The following AGBL1 variants were observed in gnomAD, a reference collection of about 807,000 sequenced individuals.
AGBL1 encodes the protein AGBL carboxypeptidase 1, also known as cytosolic carboxypeptidase 4.
Under a neutral mutation model 118.9 loss-of-function variants are expected in AGBL1, and 130 were observed. The ratio of observed to expected loss-of-function variants is 1.09; its 90% CI spans 0.95 to 1.26. AGBL1 has a LOEUF of 1.26. Among genes scored for constraint, AGBL1 ranks in the 50% most tolerant of loss-of-function variants. The pLI, the probability that AGBL1 is intolerant of heterozygous loss-of-function variation, is 0.00. For missense variants in AGBL1, 1,584 were observed against 1,298.1 expected (o/e 1.22, Z -3.38); for synonymous variants, 555 against 478.9 (o/e 1.16, Z -2.08).
At chr15:86,783,375 CTGT>C (rs1295517041) in intron 22 of AGBL1, among the ~76,000 whole-genome samples, 1 of 152,210 alleles carries the variant, frequency 6.6e-6, no homozygotes, top group Non-Finnish European at 1.5e-5. Flanking sequence ...TCCAGAAAGT[CTGT>C]TGTTTAAAGC....
chr15:86,652,965 C>T (rs1166711488), intron 21 of AGBL1, among the ~76,000 whole-genome samples: 1 of 152,068 alleles, frequency 6.6e-6, no homozygotes, highest in Non-Finnish European at 1.5e-5. Context: ...ACAGAACGGT[C>T]CCCATAACAA....
chr15:86,231,184 G>T (rs1176720910), intron 6 of AGBL1, among the ~76,000 whole-genome samples: 1 of 152,080 alleles, frequency 6.6e-6, no homozygotes, highest in Non-Finnish European at 1.5e-5. Flanking sequence ...TTCCTACTGG[G>T]TATAGCTCCA....
chr15:86,246,309 G>A (rs965082435), intron 6 of AGBL1, among the ~76,000 whole-genome samples: 1 of 152,230 alleles, frequency 6.6e-6, no homozygotes, highest in African/African-American at 2.4e-5. Flanking sequence ...AGTAACAGAA[G>A]TGTTTCTGTC....
Position 86,546,021 on chromosome 15 carries a change from G to T in AGBL1, c.2705G>T (p.Gly902Val). 6.2e-7 allele frequency: 1 copy of T among 1,613,080 alleles called. No homozygotes were observed. The highest frequency in any genetic ancestry group is 8.5e-7 in the Non-Finnish European group (1 of 1,179,380). Residue 902 changes from glycine (G) to valine (V), a missense_variant, in exon 20 of 23, where the codon GGC (glycine) becomes GTC (valine). Coordinates refer to ENST00000614907, the MANE Select transcript of AGBL1 (RefSeq NM_001386094.1). ...TTGTAGGTTTTCTGTGACTTCCATG[G>T]CCACTCCCAAAAGAAGAATGTGTTC... ...RSPVVFCDFH[G>V]HSQKKNVFLY...
chr15:86,678,427 GA>G, intron 22 of AGBL1, among the ~76,000 whole-genome samples: 1 of 152,158 alleles, frequency 6.6e-6, no homozygotes, highest in East Asian at 1.9e-4. Context: ...TCTATATCAT[GA>G]GGAGTATTTT....
intron 22 of AGBL1, among the ~76,000 whole-genome samples, chr15:86,888,866 T>C (rs562113294): frequency 1.3e-5 from 2 of 152,288 alleles, no homozygotes; most frequent in South Asian, 2.1e-4. Flanking sequence ...ATGAGCACTT[T>C]TGGAAATGAG....
At chr15:86,753,397 CTTTTTTT>C (rs1555446759) in intron 22 of AGBL1, among the ~76,000 whole-genome samples, 1 of 111,296 alleles carries the variant, frequency 9.0e-6, no homozygotes. Context: ...TTTTCTTTTT[CTTTTTTT>C]TTTTTTTTTT....
chr15:86,293,070 T>C (rs1054525610), intron 16 of AGBL1, among the ~76,000 whole-genome samples: 2 of 152,238 alleles, frequency 1.3e-5, no homozygotes, highest in Non-Finnish European at 2.9e-5. Flanking sequence ...TGGCACTTTT[T>C]CTTTTTCCTT....
chr15:86,683,722 C>T (rs1003983101), intron 22 of AGBL1, among the ~76,000 whole-genome samples: 1 of 152,166 alleles, frequency 6.6e-6, no homozygotes, highest in African/African-American at 2.4e-5. Context: ...ACTCTTACTA[C>T]TCTCTATAGC....
chr15:86,425,685 C>T (rs906777809), intron 18 of AGBL1, among the ~76,000 whole-genome samples: 3 of 152,084 alleles, frequency 2.0e-5, no homozygotes, highest in African/African-American at 7.2e-5. Flanking sequence ...TCAGTGATTT[C>T]CAAATGTAGT....
At chr15:86,650,054 G>C (rs1166511256) in intron 21 of AGBL1, among the ~76,000 whole-genome samples, 1 of 152,212 alleles carries the variant, frequency 6.6e-6, no homozygotes, top group Non-Finnish European at 1.5e-5. Context: ...TTATGGACAT[G>C]TAAAAATAGT....
rs564851456 is a variant in AGBL1 at position 86,290,891 on chromosome 15, C to T, written c.2221-4364C>T. On this transcript the variant is annotated intron_variant, in intron 16 of 22. Coordinates refer to ENST00000614907, the MANE Select transcript of AGBL1 (RefSeq NM_001386094.1). The stretch of plus-strand genomic sequence containing the variant: ...GAGTGTGATGTTCCCCTTCCTGTGT[C>T]CATGTGTTCTCATTGTTCAATTCCC... 1.1e-4 allele frequency among the ~76,000 whole-genome samples: 17 copies of T among 151,778 alleles called. No individual in the cohort carries two copies. The East Asian group carries it at 2.5e-3, about 23-fold the overall frequency.
intron 21 of AGBL1, among the ~76,000 whole-genome samples, chr15:86,593,684 C>G (rs1334934427): frequency 6.6e-6 from 1 of 152,136 alleles, no homozygotes; most frequent in African/African-American, 2.4e-5. Flanking sequence ...GTATATACCA[C>G]TGAAATCACT....
At chr15:86,631,503 A>G (rs1044433071) in intron 21 of AGBL1, among the ~76,000 whole-genome samples, 10 of 152,310 alleles carry the variant, frequency 6.6e-5, no homozygotes, top group African/African-American at 2.4e-4. Flanking sequence ...CCTAAAGCCC[A>G]TATTCCTTTA....
intron 1 of AGBL1, among the ~76,000 whole-genome samples, chr15:86,094,958 C>G (rs573720280): frequency 1.3e-5 from 2 of 152,166 alleles, no homozygotes; most frequent in Admixed American, 1.3e-4. Context: ...CTGAAACTTC[C>G]GACCAATTGG....
chr15:86,414,174 G>A (rs975491263), intron 18 of AGBL1, among the ~76,000 whole-genome samples: 2 of 152,096 alleles, frequency 1.3e-5, no homozygotes, highest in African/African-American at 4.8e-5. Context: ...AGACTCAAAA[G>A]GATAGCGAGG....
At chr15:86,830,633 G>C (rs773093096) in intron 22 of AGBL1, among the ~76,000 whole-genome samples, 3 of 152,130 alleles carry the variant, frequency 2.0e-5, no homozygotes, top group Non-Finnish European at 4.4e-5. Context: ...TGTCTATCCT[G>C]TCAGCAACAT....
intron 17 of AGBL1, among the ~76,000 whole-genome samples, chr15:86,351,069 T>A (rs77198060): frequency 0.035 from 5,399 of 152,340 alleles, 142 homozygotes; most frequent in East Asian, 0.049. Flanking sequence ...ATGCCAGACC[T>A]ACTGTCTTAG....
At chr15:86,493,864 C>G (rs1455904368) in intron 18 of AGBL1, among the ~76,000 whole-genome samples, 2 of 152,028 alleles carry the variant, frequency 1.3e-5, no homozygotes, top group Non-Finnish European at 2.9e-5. Flanking sequence ...CCACTTCCCC[C>G]TCCCCTGACT....
Sources: allele counts gnomAD v4.1 joint callset (sites outside exome capture counted in the v4.1 genomes callset), GRCh38; gene constraint gnomAD v4.1.1; transcripts MANE v1.5; gene names NCBI Gene and HGNC (gene_info 2026-07-23, HGNC 2026-07-21).